The following TMEM248 variants were observed in gnomAD, a reference collection of about 807,000 sequenced individuals.
TMEM248 encodes transmembrane protein 248.
In TMEM248, 9 loss-of-function variants were observed where a neutral mutation model predicts 30.3. The ratio of observed to expected loss-of-function variants is 0.30; its 90% CI spans 0.18 to 0.52. The LOEUF (loss-of-function observed/expected upper bound fraction) is 0.52. Ranked by LOEUF, TMEM248 falls within the 20% of genes least tolerant of loss-of-function variation. The probability of loss-of-function intolerance (pLI) is 0.97; values close to 1 mark genes in which losing one functional copy is unlikely to be tolerated. For synonymous variants in TMEM248, 184 were observed against 154.4 expected, an observed-to-expected ratio of 1.19 and a Z score of -1.42; for missense variants, 338 against 403.3, an observed-to-expected ratio of 0.84 and a Z score of 1.39.
chr7:66,950,232 A>G (rs1222187678), intron 4 of TMEM248, among the ~76,000 whole-genome samples: 2 of 150,894 alleles, frequency 1.3e-5, no homozygotes, highest in Non-Finnish European at 3.0e-5. Flanking sequence ...AAAAAAAAAG[A>G]TGATATAGTT....
chr7:66,955,294 G>T (rs1014527127), intron 6 of TMEM248, among the ~76,000 whole-genome samples: 1 of 152,172 alleles, frequency 6.6e-6, no homozygotes, highest in African/African-American at 2.4e-5. Context: ...TTCTGTCTCC[G>T]CACAGTGGTT....
chr7:66,931,148 T>C (rs1449153482), intron 1 of TMEM248, among the ~76,000 whole-genome samples: 1 of 151,726 alleles, frequency 6.6e-6, no homozygotes, highest in Non-Finnish European at 1.5e-5. Flanking sequence ...ACTAAAAATA[T>C]CAAAATTAGC....
intron 1 of TMEM248, among the ~76,000 whole-genome samples, chr7:66,936,877 A>C (rs967079315): frequency 2.0e-5 from 3 of 149,118 alleles, no homozygotes; most frequent in Admixed American, 6.6e-5. Flanking sequence ...CAAAACACCA[A>C]CTCTTTGTTT....
At chr7:66,926,728 G>C (rs1425093021) in intron 1 of TMEM248, among the ~76,000 whole-genome samples, 2 of 151,594 alleles carry the variant, frequency 1.3e-5, no homozygotes, top group Non-Finnish European at 2.9e-5. Context: ...GAAAGATAGA[G>C]GTTTTAGCAA....
chr7:66,943,455 T>C (rs1053825085), intron 2 of TMEM248, among the ~76,000 whole-genome samples: 1 of 152,206 alleles, frequency 6.6e-6, no homozygotes, highest in Non-Finnish European at 1.5e-5. Flanking sequence ...TTTCGTGATT[T>C]TTGTTTTCAA....
At chr7:66,931,297 CAAAAAAAAAA>C (rs758131446) in intron 1 of TMEM248, among the ~76,000 whole-genome samples, 4 of 64,396 alleles carry the variant, frequency 6.2e-5, no homozygotes, top group Non-Finnish European at 9.3e-5. Flanking sequence ...GACAATATCT[CAAAAAAAAAA>C]AAAAAAAAAA....
At chr7:66,937,606 C>CT (rs1791838316) in intron 1 of TMEM248, among the ~76,000 whole-genome samples, 1 of 152,178 alleles carries the variant, frequency 6.6e-6, no homozygotes, top group East Asian at 1.9e-4. Flanking sequence ...TTCTTTGTCT[C>CT]TTTTTATAGT....
chr7:66,949,091 C>T (rs894756107), intron 4 of TMEM248, among the ~76,000 whole-genome samples: 2 of 150,062 alleles, frequency 1.3e-5, no homozygotes, highest in South Asian at 2.1e-4. Flanking sequence ...ACTTGAGCCC[C>T]GGAGTTCAAG....
At chr7:66,951,746 T>G (rs2129226133) in intron 5 of TMEM248, among the ~76,000 whole-genome samples, 1 of 152,124 alleles carries the variant, frequency 6.6e-6, no homozygotes, top group South Asian at 2.1e-4. Flanking sequence ...GGCGCAATCA[T>G]AGCTCACTGC....
chr7:66,951,359 C>A (rs905198376), intron 5 of TMEM248: 1 of 403,880 alleles, frequency 2.5e-6, no homozygotes, highest in Non-Finnish European at 4.3e-6. Context: ...TTCATTTTCT[C>A]TGTTGTTCAG....
chr7:66,929,864 A>G (rs1243925982), intron 1 of TMEM248, among the ~76,000 whole-genome samples: 7 of 152,148 alleles, frequency 4.6e-5, no homozygotes, highest in Non-Finnish European at 1.0e-4. Flanking sequence ...CAGAGTGTCA[A>G]GGATGACTGG....
At position 66,951,231 on chromosome 7, in the gene TMEM248, C is replaced by A. The variant is rs555845534; in HGVS notation, c.780+96C>A. 2.8e-5 allele frequency: 34 copies of A among 1,214,064 alleles called. No individual in the cohort carries two copies. In the East Asian group the frequency reaches 8.5e-4, roughly 30 times the overall value. 75.2% of individuals were successfully genotyped at this position (1,214,064 alleles called of 1,614,324 possible). On this transcript the variant is annotated intron_variant, in intron 5 of 6. Transcript: ENST00000341567. ...CGTTGGTGTAGGCCCTGCTGACTTC[C>A]CTGGGTAAGCGTATCCTCTGCCACT...
chr7:66,935,731 A>G (rs543481035), intron 1 of TMEM248, among the ~76,000 whole-genome samples: 4 of 151,764 alleles, frequency 2.6e-5, no homozygotes, highest in African/African-American at 9.7e-5. Flanking sequence ...TTTAGTAGAG[A>G]TGGAGTTTCA....
chr7:66,927,320 A>G (rs2129220498), intron 1 of TMEM248, among the ~76,000 whole-genome samples: 1 of 152,268 alleles, frequency 6.6e-6, no homozygotes, highest in Middle Eastern at 3.4e-3. Flanking sequence ...CTGGTTCCAG[A>G]CATGTAATTA....
In TMEM248 at chr7:66,948,616, T is replaced by C; in HGVS notation, c.518T>C (p.Leu173Pro). The change falls in exon 4 of 7, where the codon CTC becomes CCC. Residue 173 changes from leucine (L) to proline (P), a missense_variant. Transcript: ENST00000341567. Reference protein sequence around the residue: ...PTAWSSDDCALHGHCEQVVFT... With the variant: ...PTAWSSDDCAPHGHCEQVVFT... ...GCGTGGAGCTCAGATGACTGCGCCC[T>C]CCACGGTCACTGTGAGCAGGTGGTA... 6.2e-7 allele frequency: 1 copy of C among 1,614,140 alleles called. No individual in the cohort carries two copies. The highest frequency in any genetic ancestry group is 8.5e-7 in the Non-Finnish European group (1 of 1,179,992).
chr7:66,947,503 A>G (rs1792140384), intron 3 of TMEM248, among the ~76,000 whole-genome samples: 1 of 151,888 alleles, frequency 6.6e-6, no homozygotes, highest in African/African-American at 2.4e-5. Context: ...CCCGGGTTCA[A>G]GCGACTGTTC....
intron 1 of TMEM248, among the ~76,000 whole-genome samples, chr7:66,932,561 G>A (rs1031828636): frequency 6.6e-6 from 1 of 151,546 alleles, no homozygotes; most frequent in Admixed American, 6.6e-5. Context: ...TGACACCCAG[G>A]CTGGAGTGCA....
At chr7:66,942,589 G>T (rs1314756657) in intron 2 of TMEM248, among the ~76,000 whole-genome samples, 1 of 152,104 alleles carries the variant, frequency 6.6e-6, no homozygotes, top group East Asian at 1.9e-4. Context: ...TCCACCTCCC[G>T]GGCTCAAGCG....
chr7:66,945,422 C>T (rs986913625), intron 3 of TMEM248, among the ~76,000 whole-genome samples, 161 bp downstream of exon 3: 4 of 152,086 alleles, frequency 2.6e-5, no homozygotes, highest in African/African-American at 4.8e-5. Flanking sequence ...TCTGTTCCAT[C>T]GTTACATGGT....
Sources: gnomAD v4.1 joint callset for allele counts (sites outside exome capture counted in the v4.1 genomes callset) on GRCh38, gnomAD v4.1.1 for gene constraint, MANE v1.5 for transcripts, NCBI Gene and HGNC (gene_info 2026-07-23, HGNC 2026-07-21) for gene names.